The following INTS13 variants were observed in gnomAD, a reference collection of about 807,000 sequenced individuals.
INTS13 encodes asunder, spermatogenesis regulator homolog (Drosphila).
INTS13 carries 35 observed loss-of-function variants against 90.2 expected under a neutral mutation model. The observed-to-expected ratio is 0.39, with a 90% CI of 0.30 to 0.51. The LOEUF (loss-of-function observed/expected upper bound fraction) is 0.51, where lower values mean the gene tolerates loss of function less well. INTS13 is among the 20% of genes least tolerant of loss of function. INTS13 has a pLI of 0.80. For missense variants in INTS13, 601 were observed against 851.2 expected (o/e 0.71, Z 3.66); for synonymous variants, 309 against 277.1 (o/e 1.11, Z -1.14).
chr12:26,931,430 C>T lies in INTS13; in HGVS notation c.301-2525G>A, dbSNP rs143844204. On this transcript the variant is annotated intron_variant, in intron 3 of 16. Transcript: ENST00000261191. ...CTGCACTCCAGCCTGGGCAACAGAG[C>T]GAGACTCTGTCTCAAAATAAATAAA... Among the ~76,000 whole-genome samples the T allele has an allele frequency of 3.4e-3, 509 of 147,996 alleles. 4 individuals carry two copies. The highest frequency in any genetic ancestry group is 0.012 in the African/African-American group (482 of 39,782).
Position 26,914,145 on chromosome 12 carries a change from A to T in INTS13, c.1420-17T>A, listed in dbSNP as rs760505677. ...TGGAACTACCTGTTAGATTTTTTTT[A>T]AAGAAAAAAGAAAATCTGTCTTGAA... On this transcript the variant is annotated splice_polypyrimidine_tract_variant and intron_variant, in intron 12 of 16. Transcript: ENST00000261191. 2.6e-6 allele frequency: 4 copies of T among 1,538,480 alleles called. No individual in the cohort carries two copies. Among genetic ancestry groups the T allele is most frequent in the Middle Eastern group, 2.3e-4 (1 of 4,264 alleles).
intron 2 of INTS13, among the ~76,000 whole-genome samples, chr12:26,935,362 T>C: frequency 6.6e-6 from 1 of 152,366 alleles, no homozygotes; most frequent in East Asian, 1.9e-4. Context: ...TAGATTTCTT[T>C]CTTTACTCTG....
Position 26,913,909 on chromosome 12 carries a change from A to G in INTS13, c.1574+65T>C. On this transcript the variant is annotated intron_variant, in intron 13 of 16. Coordinates refer to ENST00000261191, the MANE Select transcript of INTS13 (RefSeq NM_018164.3). ...ATAGAATTTACATATGGAATAAGTT[A>G]TCTTGAGAAACAATATGTATCAAGT... 4 of 1,435,238 alleles carry G rather than the reference A, an allele frequency of 2.8e-6. No homozygotes were observed. In the South Asian group the frequency reaches 5.1e-5, roughly 18 times the overall value. The allele number at this position is 1,435,238 out of a possible 1,614,324, so 88.9% of individuals were successfully genotyped here.
In INTS13 at chr12:26,914,264, T is replaced by C. The variant is rs1015424238; in HGVS notation, c.1420-136A>G. ...GAATCTATAACTATCACTTCAATTTTTAATTATTAATTCTTTAACTTTAGC... is the reference window on the plus strand; with the variant it reads ...GAATCTATAACTATCACTTCAATTTCTAATTATTAATTCTTTAACTTTAGC... On this transcript the variant is annotated intron_variant, in intron 12 of 16. Coordinates refer to ENST00000261191, the MANE Select transcript of INTS13 (RefSeq NM_018164.3). 5 of 1,181,872 alleles carry C rather than the reference T, an allele frequency of 4.2e-6. No homozygotes were observed. The African/African-American group carries it at 7.8e-5, about 19-fold the overall frequency. 73.2% of individuals were successfully genotyped at this position (1,181,872 alleles called of 1,614,324 possible).
rs766918947 is a variant in INTS13 at position 26,932,352 on chromosome 12, AAC to A, written c.300+2202_300+2203del. Among the ~76,000 whole-genome samples the A allele has an allele frequency of 2.2e-4, 34 of 152,170 alleles. 1 individual carries two copies. Among genetic ancestry groups the A allele is most frequent in the Non-Finnish European group, 2.2e-4 (15 of 68,034 alleles). ...CAAGAACTAGAGGCACCAATTACCA[AAC>A]ACAGTGGGGAAAGGCAAGATACTAA... On this transcript the variant is annotated intron_variant, in intron 3 of 16. Coordinates refer to ENST00000261191, the MANE Select transcript of INTS13 (RefSeq NM_018164.3).
At chr12:26,922,967 A>G (rs766968388) in intron 7 of INTS13, among the ~76,000 whole-genome samples, 18 of 152,018 alleles carry the variant, frequency 1.2e-4, no homozygotes, top group Non-Finnish European at 2.4e-4. Context: ...TAACTCAGAA[A>G]TTTTGAATTT....
chr12:26,934,502 T>C, intron 3 of INTS13, 54 bp downstream of exon 3: 1 of 1,265,568 alleles, frequency 7.9e-7, no homozygotes, highest in East Asian at 2.3e-5. Flanking sequence ...TTTTAAAAAG[T>C]ATTACCACAT....
At chr12:26,919,882 C>T (rs1952058261) in intron 8 of INTS13, among the ~76,000 whole-genome samples, 1 of 152,120 alleles carries the variant, frequency 6.6e-6, no homozygotes, top group African/African-American at 2.4e-5. Flanking sequence ...GTAATCCCAG[C>T]ACTTTGGGAG....
At chr12:26,928,554 C>CAAAAAAAAAAA (rs374722209) in intron 4 of INTS13, 149 bp downstream of exon 4, 7 of 590,754 alleles carry the variant, frequency 1.2e-5, no homozygotes, top group African/African-American at 6.1e-5. Flanking sequence ...TATTAAAAGG[C>CAAAAAAAAAAA]AAAAAAAAAA....
At chr12:26,916,582 A>G (rs1951943167) in intron 10 of INTS13, among the ~76,000 whole-genome samples, 2 of 152,204 alleles carry the variant, frequency 1.3e-5, no homozygotes, top group African/African-American at 4.8e-5. Flanking sequence ...TCACTTACAC[A>G]ACAGTTCCTC....
At chr12:26,914,259 A>T in intron 12 of INTS13, 131 bp from the exon 13 acceptor site, 1 of 1,186,466 alleles carries the variant, frequency 8.4e-7, no homozygotes, top group Non-Finnish European at 1.1e-6. Flanking sequence ...CTATCACTTC[A>T]ATTTTTAATT....
At chr12:26,929,003 T>A in intron 3 of INTS13, 98 bp from the exon 4 acceptor site, 4 of 1,061,792 alleles carry the variant, frequency 3.8e-6, no homozygotes, top group Non-Finnish European at 5.4e-6. Context: ...ATCTTACATA[T>A]ATGGACATGA....
At chr12:26,922,479 G>A in intron 8 of INTS13, 137 bp downstream of exon 8, 2 of 517,540 alleles carry the variant, frequency 3.9e-6, no homozygotes, top group South Asian at 7.1e-5. Flanking sequence ...AGTGTATACA[G>A]TATAGGGTTC....
At chr12:26,922,513 T>C (rs1324424056) in intron 8 of INTS13, 103 bp downstream of exon 8, 3 of 737,224 alleles carry the variant, frequency 4.1e-6, no homozygotes, top group African/African-American at 1.8e-5. Context: ...ATTTCAGGCA[T>C]CCACTGGGGG....
intron 10 of INTS13, 103 bp downstream of exon 10, chr12:26,917,249 G>C (rs1308593299): frequency 3.1e-6 from 1 of 319,824 alleles, no homozygotes. Context: ...GCTTTCCAGA[G>C]TTCATATTCT....
In INTS13 at chr12:26,913,404, G is replaced by A. The variant is rs1951845636; in HGVS notation, c.1805+53C>T. The A allele has an allele frequency of 3.0e-6, 4 of 1,316,560 alleles. No homozygotes were observed. In the East Asian group the frequency reaches 9.2e-5, roughly 30 times the overall value. 81.6% of individuals were successfully genotyped at this position (1,316,560 alleles called of 1,614,324 possible). A position where few individuals can be genotyped will look rare whatever the true frequency, so the allele number is the denominator to read the frequency against. On this transcript the variant is annotated intron_variant, in intron 14 of 16. Transcript: ENST00000261191. ...TGAATGTATGAAAGTGTTCTATGCA[G>A]AATGTGATATAACAAAAGGCACCAT...
At chr12:26,922,310 T>C (rs1013000082) in intron 8 of INTS13, among the ~76,000 whole-genome samples, 4 of 152,210 alleles carry the variant, frequency 2.6e-5, no homozygotes, top group Non-Finnish European at 4.4e-5. Flanking sequence ...ATAAGATATT[T>C]TGAGAAAGAG....
At chr12:26,935,648 G>A (rs879594342) in intron 2 of INTS13, among the ~76,000 whole-genome samples, 5 of 152,200 alleles carry the variant, frequency 3.3e-5, no homozygotes, top group South Asian at 2.1e-4. Flanking sequence ...GGTCTGAACC[G>A]AAGCCTGCGC....
intron 3 of INTS13, among the ~76,000 whole-genome samples, chr12:26,933,887 A>T (rs1467668644): frequency 6.6e-6 from 1 of 152,258 alleles, no homozygotes; most frequent in African/African-American, 2.4e-5. Context: ...AAATAATTCC[A>T]GGAATAAACA....
Sources: gnomAD v4.1 joint callset for allele counts (sites outside exome capture counted in the v4.1 genomes callset) on GRCh38, gnomAD v4.1.1 for gene constraint, MANE v1.5 for transcripts, NCBI Gene and HGNC (gene_info 2026-07-23, HGNC 2026-07-21) for gene names.